The following ERC2 variants were observed in gnomAD, a reference collection of about 807,000 sequenced individuals.
The protein encoded by ERC2 is ELKS/RAB6-interacting/CAST family member 2.
A neutral mutation model predicts 114.8 loss-of-function variants in ERC2; 42 were observed. That is an observed-to-expected ratio of 0.37 (90% CI 0.29 to 0.47). The LOEUF (loss-of-function observed/expected upper bound fraction) is 0.47. Ranked by LOEUF, ERC2 falls within the 20% of genes least tolerant of loss-of-function variation. The pLI is 0.99. For missense variants in ERC2, 939 were observed against 1,150.7 expected, an observed-to-expected ratio of 0.82 and a Z score of 2.66; for synonymous variants, 454 against 425.5, an observed-to-expected ratio of 1.07 and a Z score of -0.82.
chr3:56,150,334 C>G (rs1355918478), intron 4 of ERC2, among the ~76,000 whole-genome samples: 1 of 151,890 alleles, frequency 6.6e-6, no homozygotes, highest in Non-Finnish European at 1.5e-5. Flanking sequence ...TAATCTATGC[C>G]CAGTGGTATA....
At chr3:56,270,000 A>G (rs2053557161) in intron 3 of ERC2, among the ~76,000 whole-genome samples, 1 of 152,158 alleles carries the variant, frequency 6.6e-6, no homozygotes. Flanking sequence ...TTCCAAAGTC[A>G]GCTATAACAA....
intron 3 of ERC2, among the ~76,000 whole-genome samples, chr3:56,180,924 T>G (rs1386782069): frequency 6.6e-6 from 1 of 152,242 alleles, no homozygotes; most frequent in African/African-American, 2.4e-5. Context: ...GGTGTCTATC[T>G]TTTTCATGCA....
At chr3:55,954,081 TAAAAAAAAAAAAAAAA>T (rs58512381) in intron 12 of ERC2, among the ~76,000 whole-genome samples, 15 of 50,364 alleles carry the variant, frequency 3.0e-4, no homozygotes, top group East Asian at 2.0e-3. Context: ...CTCCATTATT[TAAAAAAAAAAAAAAAA>T]AAAAAAAAAA....
chr3:55,632,675 G>A (rs1459508382), intron 17 of ERC2, among the ~76,000 whole-genome samples: 1 of 152,178 alleles, frequency 6.6e-6, no homozygotes, highest in African/African-American at 2.4e-5. Flanking sequence ...AAAAGAAGAT[G>A]TAACTCACCT....
chr3:55,709,930 G>A (rs938225213), intron 15 of ERC2, among the ~76,000 whole-genome samples: 3 of 152,166 alleles, frequency 2.0e-5, no homozygotes, highest in East Asian at 1.9e-4. Flanking sequence ...CTGGTCTCAC[G>A]CTTGGGTGAG....
chr3:56,209,015 A>T (rs187846738), intron 3 of ERC2, among the ~76,000 whole-genome samples: 122 of 152,238 alleles, frequency 8.0e-4, no homozygotes, highest in African/African-American at 2.6e-3. Flanking sequence ...GTATAGACAT[A>T]GTCAAATCTG....
chr3:55,816,823 T>C (rs1190631758), intron 14 of ERC2, among the ~76,000 whole-genome samples: 1 of 151,898 alleles, frequency 6.6e-6, no homozygotes, highest in Non-Finnish European at 1.5e-5. Context: ...TAAAGGAGAC[T>C]CCTGTAGGTT....
intron 14 of ERC2, among the ~76,000 whole-genome samples, chr3:55,813,006 C>T (rs185289211): frequency 2.0e-3 from 304 of 152,356 alleles, no homozygotes; most frequent in African/African-American, 7.1e-3. Flanking sequence ...GCACTGTACA[C>T]TTTCTTATTT....
rs1476371060 is a variant in ERC2 at position 55,714,665 on chromosome 3, GTGTATATATATATATATATATATA to G, written c.2713-15177_2713-15154del. Among the ~76,000 whole-genome samples the G allele has an allele frequency of 7.7e-3, 283 of 36,682 alleles. 5 individuals are homozygous for G. The highest frequency in any genetic ancestry group is 0.022 in the African/African-American group (193 of 8,582). 24.1% of individuals were successfully genotyped at this position (36,682 alleles called of 152,430 possible). A position where few individuals can be genotyped will look rare whatever the true frequency, so the allele number is the denominator to read the frequency against. On this transcript the variant is annotated intron_variant, in intron 15 of 17. Coordinates refer to ENST00000288221, the MANE Select transcript of ERC2 (RefSeq NM_015576.3). Reference sequence around the variant, plus strand: ...TGTGTGTGTGTGTGTGTGTGTGTGTGTGTATATATATATATATATATATATATATATATATATATATATATATAT... The same window carrying G: ...TGTGTGTGTGTGTGTGTGTGTGTGTGTATATATATATATATATATATATAT...
At chr3:55,593,470 G>A (rs147919242) in intron 17 of ERC2, among the ~76,000 whole-genome samples, 14 of 152,246 alleles carry the variant, frequency 9.2e-5, no homozygotes, top group African/African-American at 3.1e-4. Flanking sequence ...ATCTCTGGCT[G>A]ACTTCCTCTC....
At chr3:55,735,404 T>C (rs1198820227) in intron 14 of ERC2, among the ~76,000 whole-genome samples, 2 of 152,262 alleles carry the variant, frequency 1.3e-5, no homozygotes, top group Admixed American at 6.5e-5. Context: ...TGTACTAACA[T>C]GGCAAGAAAA....
At chr3:55,951,016 G>A (rs866535421) in intron 12 of ERC2, among the ~76,000 whole-genome samples, 7 of 152,304 alleles carry the variant, frequency 4.6e-5, no homozygotes, top group Middle Eastern at 6.8e-3. Context: ...AGCTAACCAA[G>A]AGAAACACCA....
intron 7 of ERC2, among the ~76,000 whole-genome samples, chr3:56,023,668 A>G (rs2073863449): frequency 1.3e-5 from 2 of 152,228 alleles, no homozygotes; most frequent in Non-Finnish European, 2.9e-5. Context: ...CCATGAGCAC[A>G]ATGAAGACAA....
intron 17 of ERC2, among the ~76,000 whole-genome samples, chr3:55,552,897 A>G (rs1261540064): frequency 6.7e-6 from 1 of 150,320 alleles, no homozygotes; most frequent in Non-Finnish European, 1.5e-5. Flanking sequence ...CGACTGAATT[A>G]GTTCTTTTCT....
chr3:56,356,588 T>A (rs778741712), intron 2 of ERC2, among the ~76,000 whole-genome samples: 1 of 152,212 alleles, frequency 6.6e-6, no homozygotes, highest in African/African-American at 2.4e-5. Flanking sequence ...TGGTCAAGCA[T>A]CTACTCTCAC....
chr3:56,131,255 G>T (rs184758403), intron 6 of ERC2, among the ~76,000 whole-genome samples: 1 of 151,994 alleles, frequency 6.6e-6, no homozygotes, highest in South Asian at 2.1e-4. Flanking sequence ...AGCCTTTCCC[G>T]TCAAATAAAA....
chr3:56,292,509 G>A (rs1466537340), intron 3 of ERC2, among the ~76,000 whole-genome samples: 2 of 151,910 alleles, frequency 1.3e-5, no homozygotes, highest in Non-Finnish European at 2.9e-5. Flanking sequence ...AGGATCACTT[G>A]AACCTGGGAG....
At chr3:55,750,911 T>A (rs77979325) in intron 14 of ERC2, among the ~76,000 whole-genome samples, 2,276 of 152,344 alleles carry the variant, frequency 0.015, 31 homozygotes, top group East Asian at 0.04. Context: ...TTCAGTAATG[T>A]CCTTTCTAAT....
chr3:56,197,251 G>A (rs370786020), intron 3 of ERC2, among the ~76,000 whole-genome samples: 254 of 152,294 alleles, frequency 1.7e-3, no homozygotes, highest in African/African-American at 6.0e-3. Context: ...CTCAGCTTCA[G>A]TATCTGTAAA....
Sources: gnomAD v4.1 joint callset for allele counts (sites outside exome capture counted in the v4.1 genomes callset) on GRCh38, gnomAD v4.1.1 for gene constraint, MANE v1.5 for transcripts, NCBI Gene and HGNC (gene_info 2026-07-23, HGNC 2026-07-21) for gene names.